METTL13: variants seen among roughly 807,000 people sequenced by gnomAD.
METTL13 encodes eEF1A lysine and N-terminal methyltransferase.
In METTL13, 52 loss-of-function variants were observed where a neutral mutation model predicts 67.4. The observed-to-expected ratio is 0.77, with a 90% CI of 0.62 to 0.97. The LOEUF (loss-of-function observed/expected upper bound fraction) is 0.97, where lower values mean the gene tolerates loss of function less well. METTL13 is among the 50% of genes least tolerant of loss of function. The pLI is 0.00. For synonymous variants in METTL13, 354 were observed against 353.6 expected (o/e 1.00, Z -0.01); for missense variants, 825 against 889.6 (o/e 0.93, Z 0.92).
intron 3 of METTL13, 113 bp from the exon 4 acceptor site, chr1:171,787,622 G>T: frequency 2.2e-6 from 2 of 926,252 alleles, no homozygotes; most frequent in East Asian, 5.3e-5. Context: ...TGGAGTAGTT[G>T]TTGTCTAGAA....
rs1376839190 is a variant in METTL13, at chr1:171,790,638, T to TA, written c.1474+22_1474+23insA. ...CTAGGTGAGAGAGATGCCACTGCCT[T>TA]CCACAGAAGGGAGCATAAAGATTAC... On this transcript the variant is annotated intron_variant, in intron 5 of 7. Transcript: ENST00000361735. 2.0e-6 allele frequency: 3 copies of TA among 1,494,688 alleles called. No individual in the cohort carries two copies. In the African/African-American group the frequency reaches 4.3e-5, roughly 21 times the overall value. 92.6% of individuals were successfully genotyped at this position (1,494,688 alleles called of 1,614,324 possible). A position where few individuals can be genotyped will look rare whatever the true frequency, so the allele number is the denominator to read the frequency against.
chr1:171,782,063 T>C lies in METTL13; in HGVS notation c.96T>C (p.Tyr32=). The C allele has an allele frequency of 6.2e-7, 1 of 1,614,108 alleles. No individual in the cohort carries two copies. Among genetic ancestry groups the C allele is most frequent in the Non-Finnish European group, 8.5e-7 (1 of 1,180,024 alleles). Reference sequence around the variant, plus strand: ...GAGGAAAGAAAGCTTTCGAGTGGTATGGAACCTACCTGGAACTGTGCGGGG... The same window carrying C: ...GAGGAAAGAAAGCTTTCGAGTGGTACGGAACCTACCTGGAACTGTGCGGGG... ...QQRGKKAFEW[Y]GTYLELCGVL... Residue 32 remains tyrosine (Y), a synonymous_variant, in exon 1 of 8, where the codon TAT becomes TAC. Coordinates refer to ENST00000361735, the MANE Select transcript of METTL13 (RefSeq NM_015935.5).
chr1:171,790,597 A>G lies in METTL13; in HGVS notation c.1455A>G (p.Arg485=). The G allele has an allele frequency of 6.3e-7, 1 of 1,577,800 alleles. No homozygotes were observed. Among genetic ancestry groups the G allele is most frequent in the Non-Finnish European group, 8.6e-7 (1 of 1,165,388 alleles). ...TGATCGCTGGCCTTGCCCTGCTGAG[A>G]AACCCAGAGCTACTCCTAGGTGAGA... is the stretch of plus-strand genomic sequence containing the variant. The part of the protein sequence containing the change: ...KAMIAGLALL[R]NPELLLEIPL... Residue 485 remains arginine (R), a synonymous_variant, in exon 5 of 8, where the codon AGA becomes AGG. Coordinates refer to ENST00000361735, the MANE Select transcript of METTL13 (RefSeq NM_015935.5).
Position 171,790,170 on chromosome 1 carries a change from A to G in METTL13, c.1310-282A>G, listed in dbSNP as rs149307804. Among the ~76,000 whole-genome samples, 163 of 152,276 alleles carry G rather than the reference A, an allele frequency of 1.1e-3. 1 individual carries two copies. The highest frequency in any genetic ancestry group is 3.5e-3 in the African/African-American group (146 of 41,550). On this transcript the variant is annotated intron_variant, in intron 4 of 7. Transcript: ENST00000361735. ...CTAGAGTGAGAACTCACTCAATACC[A>G]TGGGGAAGGCACCCAGCCATTCATG...
rs1285678926 is a variant in METTL13 at position 171,781,797 on chromosome 1, T to A, written c.-171T>A. On this transcript the variant is annotated 5_prime_UTR_variant, in exon 1 of 8. It removes the in-frame stop codon of an upstream open reading frame in the 5' UTR. Transcript: ENST00000361735. ...GTGGTCCATGCGTGCGTTTGTCGTG[T>A]AAGGGTCATTCCTGGGGTTTGGAGT... The A allele has an allele frequency of 7.0e-7, 1 of 1,437,028 alleles. No individual in the cohort carries two copies. Among genetic ancestry groups the A allele is most frequent in the Non-Finnish European group, 9.1e-7 (1 of 1,096,532 alleles). 89.0% of individuals were successfully genotyped at this position (1,437,028 alleles called of 1,614,324 possible). A position where few individuals can be genotyped will look rare whatever the true frequency, so the allele number is the denominator to read the frequency against.
intron 6 of METTL13, 102 bp downstream of exon 6, chr1:171,792,337 AG>A: frequency 1.5e-6 from 2 of 1,312,432 alleles, no homozygotes; most frequent in Non-Finnish European, 2.1e-6. Context: ...GAGTGGCATG[AG>A]TATCGTTCCA....
In METTL13 at chr1:171,782,387, A is replaced by G. The variant is rs184628401; in HGVS notation, c.153+267A>G. On this transcript the variant is annotated intron_variant, in intron 1 of 7. Transcript: ENST00000361735. ...GGAGTTAAAGACCAGCCTGGGGAAC[A>G]TGAGACCTCGTCTCTACAAAAAATG... 4.6e-5 allele frequency among the ~76,000 whole-genome samples: 7 copies of G among 151,848 alleles called. No homozygotes were observed. The East Asian group carries it at 1.4e-3, about 29-fold the overall frequency.
In METTL13 at chr1:171,792,083, AT is replaced by A; in HGVS notation, c.1545del (p.Pro516GlnfsTer30). On this transcript the variant is annotated frameshift_variant, in exon 6 of 8. Transcript: ENST00000361735. LOFTEE classifies it high-confidence loss of function. ...GGSLPLFVHD[H>X]FPKSCIDAVE... ...AGCCTCCCCCTCTTTGTCCACGATC[AT>A]TTTCCAAAGTCCTGCATTGATGCTG... is the stretch of plus-strand genomic sequence containing the variant. The A allele has an allele frequency of 1.2e-6, 2 of 1,613,806 alleles. No homozygotes were observed. Among genetic ancestry groups the A allele is most frequent in the Non-Finnish European group, 1.7e-6 (2 of 1,180,028 alleles).
intron 7 of METTL13, among the ~76,000 whole-genome samples, chr1:171,795,884 T>A (rs536695250): frequency 1.3e-5 from 2 of 152,242 alleles, no homozygotes; most frequent in Admixed American, 6.5e-5. Context: ...TGAGACAAAG[T>A]CTCATTCCGT....
At position 171,790,625 on chromosome 1, in the gene METTL13, G is replaced by C. The variant is rs200895209; in HGVS notation, c.1474+9G>C. 4.3e-5 allele frequency: 66 copies of C among 1,521,664 alleles called. No individual in the cohort carries two copies. The Middle Eastern group carries it at 7.0e-4, about 16-fold the overall frequency. The allele number at this position is 1,521,664 out of a possible 1,614,324, so 94.3% of individuals were successfully genotyped here. On this transcript the variant is annotated intron_variant, in intron 5 of 7. Coordinates refer to ENST00000361735, the MANE Select transcript of METTL13 (RefSeq NM_015935.5). ...CCCAGAGCTACTCCTAGGTGAGAGAGATGCCACTGCCTTCCACAGAAGGGA... is the reference window on the plus strand; with the variant it reads ...CCCAGAGCTACTCCTAGGTGAGAGACATGCCACTGCCTTCCACAGAAGGGA...
chr1:171,792,298 G>A (rs765972144), intron 6 of METTL13, 63 bp downstream of exon 6: 10 of 1,562,638 alleles, frequency 6.4e-6, no homozygotes, highest in Admixed American at 1.7e-5. Flanking sequence ...TGTCAGGCCC[G>A]CAAGGGCCTC....
In METTL13 at chr1:171,783,949, G is replaced by C; in HGVS notation, c.363G>C (p.Lys121Asn). Reference protein sequence around the residue: ...PDASFQVVLDKGTLDAVLTDE... With the variant: ...PDASFQVVLDNGTLDAVLTDE... ...CCTCGTTCCAGGTGGTGTTGGACAA[G>C]GGCACCCTGGATGCTGTCCTGACAG... is the stretch of plus-strand genomic sequence containing the variant. Residue 121 changes from lysine to asparagine, a missense_variant, in exon 2 of 8, where the codon AAG becomes AAC. By Grantham distance (94) the Lys-to-Asn change is moderately conservative (BLOSUM62 0). Transcript: ENST00000361735. 6.2e-7 allele frequency: 1 copy of C among 1,614,220 alleles called. No homozygotes were observed. Among genetic ancestry groups the C allele is most frequent in the Non-Finnish European group, 8.5e-7 (1 of 1,180,036 alleles).
Position 171,796,990 on chromosome 1 carries a change from C to T in METTL13, c.*234C>T, listed in dbSNP as rs546406774. The stretch of plus-strand genomic sequence containing the variant: ...TGGGTTGGTTTGTCTTTGCTTCCTA[C>T]ACCACGTCCTTGAGTGGAGTTCCCT... On this transcript the variant is annotated 3_prime_UTR_variant, in exon 8 of 8. Transcript: ENST00000361735. 2.9e-4 allele frequency: 151 copies of T among 519,558 alleles called. 1 individual carries two copies. Among genetic ancestry groups the T allele is most frequent in the South Asian group, 1.4e-3 (69 of 47,724 alleles). The allele number at this position is 519,558 out of a possible 1,614,324, so 32.2% of individuals were successfully genotyped here.
At chr1:171,792,342 C>T (rs1428182129) in intron 6 of METTL13, 107 bp downstream of exon 6, 60 of 1,246,712 alleles carry the variant, frequency 4.8e-5, no homozygotes, top group Non-Finnish European at 6.3e-5. Context: ...GCATGAGTAT[C>T]GTTCCAGTCT....
At chr1:171,785,768 T>G in intron 2 of METTL13, 111 bp from the exon 3 acceptor site, 2 of 1,085,870 alleles carry the variant, frequency 1.8e-6, no homozygotes, top group Non-Finnish European at 2.7e-6. Context: ...TGGGTCACAG[T>G]TGGGGAAGAT....
At chr1:171,794,329 G>A in intron 6 of METTL13, 67 bp from the exon 7 acceptor site, 1 of 1,604,164 alleles carries the variant, frequency 6.2e-7, no homozygotes, top group South Asian at 1.1e-5. Context: ...AGGAGGTATA[G>A]TGTTGGAATG....
chr1:171,784,444 G>T lies in METTL13; in HGVS notation c.858G>T (p.Val286=). 1.3e-6 allele frequency: 2 copies of T among 1,514,612 alleles called. No individual in the cohort carries two copies. Among genetic ancestry groups the T allele is most frequent in the Non-Finnish European group, 1.8e-6 (2 of 1,132,326 alleles). The allele number at this position is 1,514,612 out of a possible 1,614,324, so 93.8% of individuals were successfully genotyped here. Residue 286 remains valine (V), a synonymous_variant, in exon 2 of 8, where the codon GTG becomes GTT. Transcript: ENST00000361735. The part of the protein sequence containing the change: ...DTGEPRYTLH[V]VDSPTVKPSR... ...GGGAGCCACGCTACACCCTCCACGT[G>T]GTGGACAGCCCCACTGTGAAACCAT...
Position 171,786,225 on chromosome 1 carries a change from G to A in METTL13, c.1113+147G>A, listed in dbSNP as rs183224820. ...GGTATCAGCAGCTAAGGGTTAAATG[G>A]CAGGGAAACTGTCCTTTGCCCCAGG... On this transcript the variant is annotated intron_variant, in intron 3 of 7. Coordinates refer to ENST00000361735, the MANE Select transcript of METTL13 (RefSeq NM_015935.5). 1.6e-3 allele frequency: 1,425 copies of A among 890,492 alleles called. 3 individuals carry two copies. The highest frequency in any genetic ancestry group is 2.1e-3 in the Non-Finnish European group (1,277 of 596,518). 55.2% of individuals were successfully genotyped at this position (890,492 alleles called of 1,614,324 possible). A position where few individuals can be genotyped will look rare whatever the true frequency, so the allele number is the denominator to read the frequency against.
intron 2 of METTL13, among the ~76,000 whole-genome samples, chr1:171,785,273 A>C (rs1170371591): frequency 6.6e-6 from 1 of 152,218 alleles, no homozygotes; most frequent in Non-Finnish European, 1.5e-5. Flanking sequence ...GACAAATGCA[A>C]AGTGTTTATG....
Sources: gnomAD v4.1 joint callset for allele counts (sites outside exome capture counted in the v4.1 genomes callset) on GRCh38, gnomAD v4.1.1 for gene constraint, MANE v1.5 for transcripts, NCBI Gene and HGNC (gene_info 2026-07-23, HGNC 2026-07-21) for gene names.